The following GLIS1 variants were observed in gnomAD, a reference collection of about 807,000 sequenced individuals.
The protein encoded by GLIS1 is zinc finger protein GLIS1.
A neutral mutation model predicts 63.8 loss-of-function variants in GLIS1; 24 were observed. The observed-to-expected ratio is 0.38, with a 90% CI of 0.27 to 0.53. The LOEUF (loss-of-function observed/expected upper bound fraction) is 0.53. GLIS1 is among the 20% of genes least tolerant of loss of function. The pLI, the probability that GLIS1 is intolerant of heterozygous loss-of-function variation, is 0.85. For synonymous variants in GLIS1, 450 were observed against 482.5 expected (o/e 0.93, Z 0.88); for missense variants, 1,036 against 1,074.1 (o/e 0.96, Z 0.50).
intron 2 of GLIS1, among the ~76,000 whole-genome samples, chr1:53,694,877 G>A (rs977163532): frequency 1.6e-4 from 24 of 152,168 alleles, no homozygotes; most frequent in Non-Finnish European, 2.9e-4. Context: ...TGAAAACATC[G>A]GCGGCTCCGA....
chr1:53,522,531 G>A lies in GLIS1; in HGVS notation c.1594-1765C>T, dbSNP rs1036849754. On this transcript the variant is annotated intron_variant, in intron 6 of 10. Coordinates refer to ENST00000628545, the MANE Select transcript of GLIS1 (RefSeq NM_001367484.1). ...AGCAGTGAACGGAGCTCAGGCCCTG[G>A]AAGCAGACAGGTCTGGGATGGACCC... Among the ~76,000 whole-genome samples, 3 of 152,342 alleles carry A rather than the reference G, an allele frequency of 2.0e-5. No homozygotes were observed. In the East Asian group the frequency reaches 5.8e-4, roughly 29 times the overall value.
chr1:53,615,774 G>A (rs1645476045), intron 2 of GLIS1, among the ~76,000 whole-genome samples: 1 of 151,208 alleles, frequency 6.6e-6, no homozygotes, highest in African/African-American at 2.4e-5. Flanking sequence ...TGGAGACAGA[G>A]TCTTGCTCTG....
intron 2 of GLIS1, among the ~76,000 whole-genome samples, chr1:53,734,776 C>T (rs971853784): frequency 2.0e-5 from 3 of 152,206 alleles, no homozygotes; most frequent in South Asian, 2.1e-4. Context: ...CAAAGCTGTC[C>T]GCCTGCATAA....
chr1:53,586,910 A>G (rs960277304), intron 4 of GLIS1, among the ~76,000 whole-genome samples: 3 of 152,212 alleles, frequency 2.0e-5, no homozygotes, highest in Non-Finnish European at 4.4e-5. Context: ...AATGAAGGCC[A>G]GGCCAGGCAC....
Position 53,560,241 on chromosome 1 carries a change from G to A in GLIS1, c.1321-30289C>T, listed in dbSNP as rs552379512. ...AGCGAAGACAGACAAAGAAGAGCCA[G>A]CTTTGCCCAGACCTGGGGGCAGCAG... On this transcript the variant is annotated intron_variant, in intron 4 of 10. Coordinates refer to ENST00000628545, the MANE Select transcript of GLIS1 (RefSeq NM_001367484.1). This position sits in a 1 kb window ranked among gnomAD's most constrained non-coding sequence, Gnocchi z 4.4. 5.9e-5 allele frequency among the ~76,000 whole-genome samples: 9 copies of A among 152,242 alleles called. No individual in the cohort carries two copies. The highest frequency in any genetic ancestry group is 2.0e-4 in the Admixed American group (3 of 15,290).
chr1:53,697,297 G>T (rs920357424), intron 2 of GLIS1, among the ~76,000 whole-genome samples: 2 of 152,220 alleles, frequency 1.3e-5, no homozygotes, highest in African/African-American at 4.8e-5. Context: ...GCAGAGTTGG[G>T]ACTTCCTTAG....
intron 2 of GLIS1, among the ~76,000 whole-genome samples, chr1:53,645,575 G>A (rs771771660): frequency 2.6e-5 from 4 of 152,152 alleles, no homozygotes; most frequent in South Asian, 4.1e-4. Context: ...GGGGATGGCC[G>A]AGGGGATGGC....
At chr1:53,650,401 C>A (rs1397608389) in intron 2 of GLIS1, among the ~76,000 whole-genome samples, 3 of 152,142 alleles carry the variant, frequency 2.0e-5, no homozygotes, top group Admixed American at 6.5e-5. Context: ...ACCAGCCTGG[C>A]CAACATGGCG....
intron 4 of GLIS1, among the ~76,000 whole-genome samples, chr1:53,568,712 C>T (rs1644957190): frequency 2.0e-5 from 3 of 152,108 alleles, no homozygotes; most frequent in Admixed American, 1.3e-4. Context: ...GTGTGTGGCA[C>T]CTCCCCCTTC....
At chr1:53,569,475 A>T (rs1644964006) in intron 4 of GLIS1, among the ~76,000 whole-genome samples, 1 of 117,128 alleles carries the variant, frequency 8.5e-6, no homozygotes, top group Non-Finnish European at 2.1e-5. Flanking sequence ...AAGAAAGTCT[A>T]TTTTTTTTTT....
intron 4 of GLIS1, among the ~76,000 whole-genome samples, chr1:53,550,604 A>G (rs544475404): frequency 1.3e-5 from 2 of 152,314 alleles, no homozygotes; most frequent in African/African-American, 4.8e-5. Flanking sequence ...GTCGGGGAAA[A>G]GCTGAGTGAA....
chr1:53,735,135 T>C (rs999037127), intron 2 of GLIS1, among the ~76,000 whole-genome samples: 4 of 152,202 alleles, frequency 2.6e-5, no homozygotes, highest in African/African-American at 9.7e-5. Context: ...GGCTGAGCCA[T>C]ACTGTCTTCT....
chr1:53,544,688 C>A (rs1170714215), intron 4 of GLIS1, among the ~76,000 whole-genome samples: 1 of 152,182 alleles, frequency 6.6e-6, no homozygotes, highest in Non-Finnish European at 1.5e-5. Context: ...TTACACTGAC[C>A]ACTTGGGCCA....
intron 4 of GLIS1, among the ~76,000 whole-genome samples, chr1:53,593,389 T>C (rs1388663777): frequency 1.3e-5 from 2 of 152,220 alleles, no homozygotes; most frequent in Non-Finnish European, 2.9e-5. Flanking sequence ...AAATGATCCA[T>C]CACAAGGGCT....
chr1:53,594,591 G>A lies in GLIS1; in HGVS notation c.837C>T (p.Leu279=). The A allele has an allele frequency of 6.3e-7, 1 of 1,590,958 alleles. No individual in the cohort carries two copies. The highest frequency in any genetic ancestry group is 2.3e-5 in the East Asian group (1 of 44,410). The change falls in exon 4 of 11, where the codon CTC becomes CTT. Residue 279 remains leucine (L), a synonymous_variant. Transcript: ENST00000628545. ...QTSLVTCVNG[L]RSPPLTGDLG... is the part of the protein sequence containing the mutation. ...GATCTCCCGTCAGAGGGGGGCTCCGGAGTCCATTTACACAGGTGACCAGAG... is the reference window on the plus strand; with the variant it reads ...GATCTCCCGTCAGAGGGGGGCTCCGAAGTCCATTTACACAGGTGACCAGAG...
At chr1:53,733,488 C>T (rs1300691168) in intron 2 of GLIS1, among the ~76,000 whole-genome samples, 1 of 152,164 alleles carries the variant, frequency 6.6e-6, no homozygotes. Context: ...AATTAAATTA[C>T]GATCTCACGT....
intron 4 of GLIS1, among the ~76,000 whole-genome samples, chr1:53,573,288 G>C (rs753599576): frequency 2.0e-5 from 3 of 152,130 alleles, no homozygotes; most frequent in Non-Finnish European, 4.4e-5. Flanking sequence ...TCCTGGTACA[G>C]AGCTGAAACC....
chr1:53,584,392 C>T (rs1446544538), intron 4 of GLIS1, among the ~76,000 whole-genome samples: 4 of 152,224 alleles, frequency 2.6e-5, no homozygotes, highest in Non-Finnish European at 5.9e-5. Flanking sequence ...GTGCTGTTTC[C>T]TTTCCCTGCA....
chr1:53,676,943 T>C (rs1204862547), intron 2 of GLIS1, among the ~76,000 whole-genome samples: 1 of 152,232 alleles, frequency 6.6e-6, no homozygotes, highest in African/African-American at 2.4e-5. Context: ...TTACCGGTCC[T>C]GCGGGCCCTC....
Sources: allele counts gnomAD v4.1 joint callset (sites outside exome capture counted in the v4.1 genomes callset), GRCh38; gene constraint gnomAD v4.1.1; non-coding constraint Gnocchi (gnomAD v3.1); transcripts MANE v1.5; gene names NCBI Gene and HGNC (gene_info 2026-07-23, HGNC 2026-07-21).